The following PAPPA2 variants were observed in gnomAD, a reference collection of about 807,000 sequenced individuals.
PAPPA2 encodes the protein pappalysin-2.
A neutral mutation model predicts 176.4 loss-of-function variants in PAPPA2; 86 were observed. That is an observed-to-expected ratio of 0.49 (90% CI 0.41 to 0.58). PAPPA2 has a LOEUF of 0.58. Ranked by LOEUF, PAPPA2 falls within the 20% of genes least tolerant of loss-of-function variation. The pLI, the probability that PAPPA2 is intolerant of heterozygous loss-of-function variation, is 0.00. For synonymous variants in PAPPA2, 809 were observed against 852.2 expected, an observed-to-expected ratio of 0.95 and a Z score of 0.88; for missense variants, 2,073 against 2,256.9, an observed-to-expected ratio of 0.92 and a Z score of 1.65.
intron 3 of PAPPA2, among the ~76,000 whole-genome samples, chr1:176,665,883 C>T (rs1331108801): frequency 6.6e-6 from 1 of 152,170 alleles, no homozygotes; most frequent in Non-Finnish European, 1.5e-5. Context: ...CATTGACATG[C>T]TGACTTCAAG....
At chr1:176,505,554 G>A (rs1272722267) in intron 1 of PAPPA2, among the ~76,000 whole-genome samples, 1 of 152,006 alleles carries the variant, frequency 6.6e-6, no homozygotes, top group Non-Finnish European at 1.5e-5. Context: ...GCCAAGTAGG[G>A]CAGAATTGCT....
At chr1:176,493,395 A>G (rs1423973356) in intron 1 of PAPPA2, among the ~76,000 whole-genome samples, 5 of 152,190 alleles carry the variant, frequency 3.3e-5, no homozygotes, top group African/African-American at 1.2e-4. Flanking sequence ...ACCTCCACTC[A>G]TTAAAGTATT....
chr1:176,811,834 T>C (rs1453991720), intron 21 of PAPPA2, among the ~76,000 whole-genome samples: 1 of 152,098 alleles, frequency 6.6e-6, no homozygotes, highest in East Asian at 1.9e-4. Context: ...TCTCTGAAAA[T>C]CAGATTCCAA....
Position 176,531,306 on chromosome 1 carries a change from T to G in PAPPA2, c.-916-24101T>G, listed in dbSNP as rs1399236247. On this transcript the variant is annotated intron_variant, in intron 1 of 22. Coordinates refer to ENST00000367662, the MANE Select transcript of PAPPA2 (RefSeq NM_020318.3). ...TCACCATCATTGGTTTTCAGTGTAT[T>G]GTATCAAAGTCCAAGGCTGTGGGAC... is the stretch of plus-strand genomic sequence containing the variant. Among the ~76,000 whole-genome samples the G allele has an allele frequency of 2.0e-5, 3 of 152,162 alleles. No homozygotes were observed. In the East Asian group the frequency reaches 5.8e-4, roughly 29 times the overall value.
At chr1:176,705,644 T>A (rs367804473) in intron 9 of PAPPA2, among the ~76,000 whole-genome samples, 1 of 152,228 alleles carries the variant, frequency 6.6e-6, no homozygotes, top group Non-Finnish European at 1.5e-5. Context: ...CGTTTCACTA[T>A]AAACTAACTC....
Position 176,764,811 on chromosome 1 carries a change from C to T in PAPPA2, c.4152-855C>T, listed in dbSNP as rs182315554. ...TGGGGTTTCACCGTGTTAGCCAGGA[C>T]AGTCTCTATCTCCTGACCTCGTGAT... On this transcript the variant is annotated intron_variant, in intron 14 of 22. Transcript: ENST00000367662. Among the ~76,000 whole-genome samples the T allele has an allele frequency of 8.7e-4, 133 of 152,188 alleles. 2 individuals carry two copies. The East Asian group carries it at 0.017, about 20-fold the overall frequency.
intron 21 of PAPPA2, among the ~76,000 whole-genome samples, chr1:176,832,819 A>G (rs893088600): frequency 3.3e-5 from 5 of 151,398 alleles, no homozygotes; most frequent in South Asian, 2.1e-4. Context: ...TTTCTCAACT[A>G]TTTCTCTCAG....
rs1415292183 is a variant in PAPPA2, at chr1:176,556,500, A to G, written c.178A>G (p.Arg60Gly). The change falls in exon 2 of 23, where the codon AGA becomes GGA. Residue 60 changes from arginine (R) to glycine (G), a missense_variant. Physicochemically the swap from Arg to Gly is moderately radical, Grantham distance 125 (BLOSUM62 -2). This residue lies in a region of PAPPA2 where 1,196 missense variants were observed against 1,330.4 expected (regional missense o/e 0.90). Coordinates refer to ENST00000367662, the MANE Select transcript of PAPPA2 (RefSeq NM_020318.3). ...GCTGGGGGCCAAGGTTCGAAGACCC[A>G]GAGCTTCTCCACAGCATCACCTCTT... ...CWLGAKVRRP[R>G]ASPQHHLFGV... 4 of 1,614,230 alleles carry G rather than the reference A, an allele frequency of 2.5e-6. No homozygotes were observed. In the East Asian group the frequency reaches 6.7e-5, roughly 27 times the overall value.
chr1:176,813,399 C>A (rs533728190), intron 21 of PAPPA2, among the ~76,000 whole-genome samples: 2 of 152,216 alleles, frequency 1.3e-5, no homozygotes, highest in African/African-American at 2.4e-5. Context: ...AATTTCCACT[C>A]TCATCAACAG....
At position 176,769,752 on chromosome 1, in the gene PAPPA2, C is replaced by T. The variant is rs774300007; in HGVS notation, c.4469C>T (p.Ser1490Leu). 37 of 1,611,718 alleles carry T rather than the reference C, an allele frequency of 2.3e-5. No homozygotes were observed. The African/African-American group carries it at 4.5e-4, about 20-fold the overall frequency. Reference protein sequence around the residue: ...SEGTKFLKRCSISCVPPAKLQ... With the variant: ...SEGTKFLKRCLISCVPPAKLQ... ...GGAACCAAATTTCTGAAACGCTGCT[C>T]AATCTCTTGTGTCCCACCAGCCAAG... The change falls in exon 16 of 23, where the codon TCA (serine) becomes TTA (leucine). Residue 1490 changes from serine to leucine, a missense_variant. Transcript: ENST00000367662.
intron 1 of PAPPA2, among the ~76,000 whole-genome samples, chr1:176,480,396 A>T (rs1393859336): frequency 6.6e-6 from 1 of 152,140 alleles, no homozygotes; most frequent in Non-Finnish European, 1.5e-5. Context: ...TCCAGTCCTG[A>T]GGGACAGGTA....
At position 176,594,643 on chromosome 1, in the gene PAPPA2, G is replaced by T; in HGVS notation, c.1039G>T (p.Val347Leu). ...CTTCTTCTCCCTCTGCACCGACCGC[G>T]TGAAGAAAGCCACCATCTTGATTAG... is the stretch of plus-strand genomic sequence containing the variant. ...RFFFSLCTDR[V>L]KKATILISHS... The change falls in exon 3 of 23, where the codon GTG (valine) becomes TTG (leucine). Residue 347 changes from valine to leucine, a missense_variant. Val to Leu is a conservative substitution (Grantham distance 32, BLOSUM62 1). Transcript: ENST00000367662. 1 of 1,614,214 alleles carries T rather than the reference G, an allele frequency of 6.2e-7. No homozygotes were observed. Among genetic ancestry groups the T allele is most frequent in the South Asian group, 1.1e-5 (1 of 91,082 alleles).
At chr1:176,789,699 C>A (rs1665089120) in intron 17 of PAPPA2, 110 bp from the exon 18 acceptor site, 12 of 1,225,918 alleles carry the variant, frequency 9.8e-6, no homozygotes, top group Non-Finnish European at 1.3e-5. Context: ...TCACAAGAAC[C>A]ATCTGTCCCT....
chr1:176,702,774 TGTGA>T lies in PAPPA2; in HGVS notation c.3365+41_3365+44del, dbSNP rs753076720. ...GTGTGTGTGTGTGTGTGTGTGTGTG[TGTGA>T]GAGAGAGAGAGAGAGAGAGAGAGAG... is the stretch of plus-strand genomic sequence containing the variant. On this transcript the variant is annotated intron_variant, in intron 9 of 22. Coordinates refer to ENST00000367662, the MANE Select transcript of PAPPA2 (RefSeq NM_020318.3). The T allele has an allele frequency of 4.7e-4, 677 of 1,434,138 alleles. 1 individual carries two copies. The highest frequency in any genetic ancestry group is 2.9e-3 in the African/African-American group (200 of 69,398). The allele number at this position is 1,434,138 out of a possible 1,614,324, so 88.8% of individuals were successfully genotyped here.
chr1:176,593,151 A>G (rs967988936), intron 2 of PAPPA2, among the ~76,000 whole-genome samples: 3 of 152,314 alleles, frequency 2.0e-5, no homozygotes, highest in East Asian at 1.9e-4. Context: ...ATAAACCATG[A>G]GTTATTAATT....
At chr1:176,678,700 G>T (rs983777929) in intron 4 of PAPPA2, among the ~76,000 whole-genome samples, 19 of 151,646 alleles carry the variant, frequency 1.3e-4, no homozygotes, top group Non-Finnish European at 2.8e-4. Context: ...AGCAAATAGT[G>T]ATGTAGGCAG....
intron 14 of PAPPA2, among the ~76,000 whole-genome samples, chr1:176,744,535 C>T (rs1246795691): frequency 6.6e-6 from 1 of 152,186 alleles, no homozygotes; most frequent in African/African-American, 2.4e-5. Flanking sequence ...ACTGGTTCCA[C>T]ACCCCACCCT....
intron 20 of PAPPA2, among the ~76,000 whole-genome samples, chr1:176,794,373 A>G (rs1267906859): frequency 6.6e-6 from 1 of 152,176 alleles, no homozygotes; most frequent in Non-Finnish European, 1.5e-5. Flanking sequence ...ACACATGTGA[A>G]ATGTCTTGCA....
intron 1 of PAPPA2, among the ~76,000 whole-genome samples, chr1:176,533,770 C>T (rs1649931638): frequency 6.6e-6 from 1 of 152,182 alleles, no homozygotes; most frequent in African/African-American, 2.4e-5. Context: ...GCAATTTTAA[C>T]AAGCTGTCAG....
Sources: allele counts gnomAD v4.1 joint callset (sites outside exome capture counted in the v4.1 genomes callset), GRCh38; gene constraint gnomAD v4.1.1; regional missense constraint gnomAD v4.1.1; transcripts MANE v1.5; gene names NCBI Gene and HGNC (gene_info 2026-07-23, HGNC 2026-07-21).